The following CNTNAP2 variants were observed in gnomAD, a reference collection of about 807,000 sequenced individuals.
CNTNAP2 encodes the protein contactin associated protein 2, also known as contactin-associated protein-like 2.
CNTNAP2 carries 98 observed loss-of-function variants against 155.2 expected under a neutral mutation model. The ratio of observed to expected loss-of-function variants is 0.63; its 90% CI spans 0.54 to 0.75. CNTNAP2 has a LOEUF of 0.75. Among genes scored for constraint, CNTNAP2 ranks in the 30% least tolerant of loss-of-function variants. The probability of loss-of-function intolerance (pLI) is 0.00; values close to 1 mark genes in which losing one functional copy is unlikely to be tolerated. For synonymous variants in CNTNAP2, 651 were observed against 631.2 expected (o/e 1.03, Z -0.47); for missense variants, 1,727 against 1,688.1 (o/e 1.02, Z -0.40).
At chr7:146,338,055 A>G (rs528856749) in intron 1 of CNTNAP2, among the ~76,000 whole-genome samples, 1 of 152,270 alleles carries the variant, frequency 6.6e-6, no homozygotes, top group African/African-American at 2.4e-5. Context: ...TCTCACCATC[A>G]TCTCATTTGC....
At chr7:147,735,310 GT>G (rs1796822124) in intron 13 of CNTNAP2, among the ~76,000 whole-genome samples, 1 of 152,150 alleles carries the variant, frequency 6.6e-6, no homozygotes, top group Non-Finnish European at 1.5e-5. Context: ...AGGTCGTTCA[GT>G]TTCCATGTAG....
chr7:148,032,760 A>T (rs1191142814), intron 15 of CNTNAP2, among the ~76,000 whole-genome samples: 1 of 152,190 alleles, frequency 6.6e-6, no homozygotes, highest in African/African-American at 2.4e-5. Flanking sequence ...TCACCTGCTG[A>T]CGCGAAGGCT....
intron 10 of CNTNAP2, among the ~76,000 whole-genome samples, chr7:147,483,225 A>T: frequency 1.1e-5 from 1 of 90,658 alleles, no homozygotes; most frequent in East Asian, 2.7e-4. Flanking sequence ...GAAAAAAATT[A>T]AAAATAATAC....
intron 1 of CNTNAP2, among the ~76,000 whole-genome samples, chr7:146,337,715 C>T (rs1314522942): frequency 2.0e-5 from 3 of 152,116 alleles, no homozygotes; most frequent in Admixed American, 2.0e-4. Flanking sequence ...AGCGGTTCTC[C>T]TGCTTTCCAG....
intron 10 of CNTNAP2, among the ~76,000 whole-genome samples, chr7:147,460,772 T>A (rs539386049): frequency 6.6e-6 from 1 of 152,236 alleles, no homozygotes. Context: ...TGGAAGACTT[T>A]CCTTGGCATT....
In CNTNAP2 at chr7:148,415,542, G is replaced by A; in HGVS notation, c.3922G>A (p.Asp1308Asn). The A allele has an allele frequency of 1.2e-6, 2 of 1,614,256 alleles. No individual in the cohort carries two copies. Among genetic ancestry groups the A allele is most frequent in the Non-Finnish European group, 1.7e-6 (2 of 1,180,046 alleles). The change falls in exon 24 of 24, where the codon GAC (aspartate) becomes AAC (asparagine). Residue 1308 changes from aspartate (D) to asparagine (N), a missense_variant. Transcript: ENST00000361727. ...GGGGGCGGAGTCGGCAGAGAGCGCG[G>A]ACGCCGCCATCATGAACAACGACCC... ...AKGAESAESADAAIMNNDPNF... is the reference protein window; with the variant it reads ...AKGAESAESANAAIMNNDPNF...
chr7:147,686,264 G>A (rs1796016849), intron 13 of CNTNAP2, among the ~76,000 whole-genome samples: 2 of 151,938 alleles, frequency 1.3e-5, no homozygotes, highest in South Asian at 4.1e-4. Context: ...ATGACAGAAA[G>A]GATGAGTTGA....
At chr7:146,530,102 A>G (rs1331306646) in intron 1 of CNTNAP2, among the ~76,000 whole-genome samples, 1 of 152,212 alleles carries the variant, frequency 6.6e-6, no homozygotes, top group Non-Finnish European at 1.5e-5. Flanking sequence ...AGATAAAGAA[A>G]GTTGTCTTCC....
intron 20 of CNTNAP2, among the ~76,000 whole-genome samples, chr7:148,253,058 T>TAGATAGATAGATAGATAGAG (rs1336663512): frequency 6.8e-6 from 1 of 146,774 alleles, no homozygotes; most frequent in African/African-American, 2.5e-5. Context: ...AGACAGATGA[T>TAGATAGATAGATAGATAGAG]AGATAGATAG....
In CNTNAP2 at chr7:148,209,323, AG is replaced by A. The variant is rs1390684514; in HGVS notation, c.3011-7962del. On this transcript the variant is annotated intron_variant, in intron 18 of 23. Coordinates refer to ENST00000361727, the MANE Select transcript of CNTNAP2 (RefSeq NM_014141.6). The stretch of plus-strand genomic sequence containing the variant: ...CTTTTTTTTTTTTTTTTTTAGCGAC[AG>A]GGTCCCCCTATGTTGTCCAGGCCAG... Among the ~76,000 whole-genome samples the A allele has an allele frequency of 6.5e-5, 9 of 138,960 alleles. No individual in the cohort carries two copies. In the East Asian group the frequency reaches 1.9e-3, roughly 29 times the overall value. The allele number at this position is 138,960 out of a possible 152,430, so 91.2% of individuals were successfully genotyped here.
chr7:147,889,075 A>G (rs1232045063), intron 13 of CNTNAP2, among the ~76,000 whole-genome samples: 2 of 152,142 alleles, frequency 1.3e-5, no homozygotes, highest in Non-Finnish European at 2.9e-5. Context: ...TAAATATACT[A>G]TGTTGAGACA....
rs541898048 is a variant in CNTNAP2, at chr7:147,855,192, G to A, written c.2099-48373G>A. ...CTAGTTGGTGTGTAAAAGTCATGGT[G>A]GAGATTTCATTGTATCTAGGGGAAG... On this transcript the variant is annotated intron_variant, in intron 13 of 23. Transcript: ENST00000361727. 1.9e-4 allele frequency among the ~76,000 whole-genome samples: 29 copies of A among 152,154 alleles called. 1 individual carries two copies. The highest frequency in any genetic ancestry group is 6.5e-4 in the African/African-American group (27 of 41,504).
intron 21 of CNTNAP2, among the ~76,000 whole-genome samples, chr7:148,364,203 T>G (rs552259768): frequency 2.0e-5 from 3 of 152,182 alleles, no homozygotes; most frequent in African/African-American, 7.2e-5. Flanking sequence ...GAGCGCACGG[T>G]GCAGGACTGG....
chr7:146,494,542 A>G (rs1797186456), intron 1 of CNTNAP2, among the ~76,000 whole-genome samples: 1 of 152,158 alleles, frequency 6.6e-6, no homozygotes, highest in Non-Finnish European at 1.5e-5. Context: ...ATGAAGTAGC[A>G]TTGATACCCT....
chr7:147,538,618 C>G (rs1799588847), intron 11 of CNTNAP2, among the ~76,000 whole-genome samples: 1 of 152,062 alleles, frequency 6.6e-6, no homozygotes, highest in South Asian at 2.1e-4. Context: ...CCACTGTACT[C>G]CAGCCTGGGA....
At chr7:146,212,143 T>A (rs915181645) in intron 1 of CNTNAP2, among the ~76,000 whole-genome samples, 1 of 152,190 alleles carries the variant, frequency 6.6e-6, no homozygotes, top group Non-Finnish European at 1.5e-5. Flanking sequence ...TTCTTAAAAA[T>A]ACATCCAGAT....
At chr7:147,576,785 GA>G (rs1335807255) in intron 12 of CNTNAP2, among the ~76,000 whole-genome samples, 2 of 142,668 alleles carry the variant, frequency 1.4e-5, no homozygotes, top group Admixed American at 1.5e-4. Flanking sequence ...TTTGAGCTAT[GA>G]TAAATGCAAC....
chr7:146,210,251 T>C (rs1408822470), intron 1 of CNTNAP2, among the ~76,000 whole-genome samples: 2 of 152,182 alleles, frequency 1.3e-5, no homozygotes, highest in African/African-American at 4.8e-5. Flanking sequence ...ACCTCAGTGC[T>C]ACCATATGTG....
At chr7:148,016,085 T>C (rs1802171949) in intron 15 of CNTNAP2, among the ~76,000 whole-genome samples, 1 of 152,208 alleles carries the variant, frequency 6.6e-6, no homozygotes, top group Non-Finnish European at 1.5e-5. Flanking sequence ...CAGTTCTATT[T>C]CCTTTGGGCT....
Sources: gnomAD v4.1 joint callset for allele counts (sites outside exome capture counted in the v4.1 genomes callset) on GRCh38, gnomAD v4.1.1 for gene constraint, MANE v1.5 for transcripts, NCBI Gene and HGNC (gene_info 2026-07-23, HGNC 2026-07-21) for gene names.